The following MAL2 variants were observed in gnomAD, a reference collection of about 807,000 sequenced individuals.
MAL2 encodes protein MAL2.
MAL2 carries 17 observed loss-of-function variants against 18.1 expected under a neutral mutation model. That is an observed-to-expected ratio of 0.94 (90% CI 0.64 to 1.41). The LOEUF is 1.41. MAL2 is among the 40% of genes most tolerant of loss of function. The probability of loss-of-function intolerance (pLI) is 0.00; values close to 1 mark genes in which losing one functional copy is unlikely to be tolerated. For missense variants in MAL2, 222 were observed against 231.9 expected, an observed-to-expected ratio of 0.96 and a Z score of 0.28; for synonymous variants, 102 against 102.3, an observed-to-expected ratio of 1.00 and a Z score of 0.02.
intron 2 of MAL2, among the ~76,000 whole-genome samples, chr8:119,228,244 A>G (rs190453159): frequency 9.9e-4 from 150 of 152,284 alleles, no homozygotes; most frequent in African/African-American, 3.2e-3. Flanking sequence ...CAAAGTGGCC[A>G]GAGAGTAGCC....
intron 2 of MAL2, among the ~76,000 whole-genome samples, chr8:119,226,960 C>T (rs1190420232): frequency 6.6e-6 from 1 of 152,112 alleles, no homozygotes; most frequent in Non-Finnish European, 1.5e-5. Context: ...TAACACACAT[C>T]CCACACCTGG....
At chr8:119,236,897 G>A (rs959806540) in intron 2 of MAL2, among the ~76,000 whole-genome samples, 4 of 149,690 alleles carry the variant, frequency 2.7e-5, no homozygotes, top group Admixed American at 6.6e-5. Context: ...AAAAGCAAGA[G>A]CAAACACATT....
At position 119,245,241 on chromosome 8, in the gene MAL2, T is replaced by G. The variant is rs1287999463; in HGVS notation, c.*1753T>G. Reference sequence around the variant, plus strand: ...CCATACCACACACCTAAACCTGTATTATGAATTACATATTACAAAGTCATA... The same window carrying G: ...CCATACCACACACCTAAACCTGTATGATGAATTACATATTACAAAGTCATA... On this transcript the variant is annotated 3_prime_UTR_variant, in exon 4 of 4. Coordinates refer to ENST00000614891, the MANE Select transcript of MAL2 (RefSeq NM_052886.3). 1.3e-5 allele frequency: 2 copies of G among 152,614 alleles called. No individual in the cohort carries two copies. The highest frequency in any genetic ancestry group is 4.8e-5 in the African/African-American group (2 of 41,460). 9.5% of individuals were successfully genotyped at this position (152,614 alleles called of 1,614,324 possible). A position where few individuals can be genotyped will look rare whatever the true frequency, so the allele number is the denominator to read the frequency against.
chr8:119,216,849 C>T (rs1314208269), intron 1 of MAL2, among the ~76,000 whole-genome samples: 1 of 152,060 alleles, frequency 6.6e-6, no homozygotes, highest in Non-Finnish European at 1.5e-5. Flanking sequence ...AGCCGGTTTA[C>T]TTTGTGGGTA....
intron 2 of MAL2, among the ~76,000 whole-genome samples, chr8:119,230,399 C>CTTCTGAAAAGGA (rs1268931743): frequency 6.6e-6 from 1 of 150,886 alleles, no homozygotes; most frequent in Non-Finnish European, 1.5e-5. Context: ...AATTCAGATA[C>CTTCTGAAAAGGA]TTCTGAAAAG....
At chr8:119,231,239 A>G (rs763045034) in intron 2 of MAL2, among the ~76,000 whole-genome samples, 24 of 152,126 alleles carry the variant, frequency 1.6e-4, no homozygotes, top group Admixed American at 2.0e-4. Flanking sequence ...TCACTGTGTT[A>G]GCCAGGATGG....
chr8:119,211,866 G>A (rs1587116785), intron 1 of MAL2, among the ~76,000 whole-genome samples: 1 of 152,120 alleles, frequency 6.6e-6, no homozygotes, highest in Middle Eastern at 3.4e-3. Flanking sequence ...TAGAATGGAA[G>A]CCATCACCTT....
chr8:119,235,176 A>G (rs1293301322), intron 2 of MAL2, among the ~76,000 whole-genome samples: 2 of 152,214 alleles, frequency 1.3e-5, no homozygotes, highest in Non-Finnish European at 2.9e-5. Flanking sequence ...AAGCCTCAGG[A>G]GCGAATGCGA....
At chr8:119,237,622 G>A (rs1206640340) in intron 2 of MAL2, among the ~76,000 whole-genome samples, 1 of 151,714 alleles carries the variant, frequency 6.6e-6, no homozygotes, top group Non-Finnish European at 1.5e-5. Flanking sequence ...TGGGATGCAA[G>A]GCTGGTTAAA....
At chr8:119,222,068 A>G (rs992482499) in intron 2 of MAL2, among the ~76,000 whole-genome samples, 4 of 152,218 alleles carry the variant, frequency 2.6e-5, no homozygotes, top group African/African-American at 7.2e-5. Context: ...CAATTGAACA[A>G]ATGCCTTTGG....
rs955647768 is a variant in MAL2, at chr8:119,243,773, A to G, written c.*285A>G. On this transcript the variant is annotated 3_prime_UTR_variant, in exon 4 of 4. Transcript: ENST00000614891. ...GTTTCCTTTTATGTCCATAAAATACAAATATATTGTTCATAAAAAATTAGT... is the reference window on the plus strand; with the variant it reads ...GTTTCCTTTTATGTCCATAAAATACGAATATATTGTTCATAAAAAATTAGT... The G allele has an allele frequency of 3.0e-5, 8 of 268,798 alleles. No individual in the cohort carries two copies. The highest frequency in any genetic ancestry group is 1.5e-4 in the African/African-American group (7 of 45,478). The allele number at this position is 268,798 out of a possible 1,614,324, so 16.7% of individuals were successfully genotyped here.
At chr8:119,240,430 C>A in intron 3 of MAL2, 110 bp downstream of exon 3, 2 of 1,116,330 alleles carry the variant, frequency 1.8e-6, no homozygotes, top group Non-Finnish European at 2.5e-6. Context: ...TAGCCATTGG[C>A]ATTAAATATG....
intron 1 of MAL2, among the ~76,000 whole-genome samples, chr8:119,220,477 CAG>C (rs928480945): frequency 1.7e-4 from 26 of 152,122 alleles, no homozygotes; most frequent in Non-Finnish European, 3.2e-4. Context: ...ACATTCTAGC[CAG>C]AGAGAAATTT....
In MAL2 at chr8:119,227,663, G is replaced by A. The variant is rs114891193; in HGVS notation, c.303+5906G>A. ...AGTTCCTTCTTGATGGAAAATGTGT[G>A]CAGTGCACAATTAGATGCTCCACTC... On this transcript the variant is annotated intron_variant, in intron 2 of 3. Transcript: ENST00000614891. 1.0e-3 allele frequency among the ~76,000 whole-genome samples: 154 copies of A among 152,316 alleles called. 1 individual carries two copies. Among genetic ancestry groups the A allele is most frequent in the African/African-American group, 3.5e-3 (145 of 41,580 alleles).
chr8:119,235,495 G>A (rs1303933249), intron 2 of MAL2, among the ~76,000 whole-genome samples: 4 of 151,894 alleles, frequency 2.6e-5, no homozygotes, highest in Non-Finnish European at 5.9e-5. Context: ...ACACATAATT[G>A]CCAGATTCAC....
chr8:119,218,427 T>A (rs1386069256), intron 1 of MAL2, among the ~76,000 whole-genome samples: 1 of 152,134 alleles, frequency 6.6e-6, no homozygotes, highest in East Asian at 1.9e-4. Context: ...TGGTCTGTCT[T>A]GAAAGCTTAC....
At chr8:119,238,440 G>T (rs201605528) in intron 2 of MAL2, among the ~76,000 whole-genome samples, 1 of 151,944 alleles carries the variant, frequency 6.6e-6, no homozygotes, top group Non-Finnish European at 1.5e-5. Flanking sequence ...AAAGTTCATA[G>T]GAACCGAAAA....
intron 2 of MAL2, among the ~76,000 whole-genome samples, chr8:119,230,247 A>G (rs188826502): frequency 2.0e-3 from 310 of 152,280 alleles, no homozygotes; most frequent in African/African-American, 7.2e-3. Flanking sequence ...TCCTAACACC[A>G]AGAGTATATA....
chr8:119,210,222 A>G (rs1261062992), intron 1 of MAL2, among the ~76,000 whole-genome samples: 1 of 152,180 alleles, frequency 6.6e-6, no homozygotes, highest in Non-Finnish European at 1.5e-5. Context: ...ATATGTATGT[A>G]TGTATGTAAA....
Sources: allele counts gnomAD v4.1 joint callset (sites outside exome capture counted in the v4.1 genomes callset), GRCh38; gene constraint gnomAD v4.1.1; transcripts MANE v1.5; gene names NCBI Gene and HGNC (gene_info 2026-07-23, HGNC 2026-07-21).